Variants in KAT6B observed in about 807,000 individuals in gnomAD.
The protein encoded by KAT6B is histone acetyltransferase KAT6B.
KAT6B carries 10 observed loss-of-function variants against 187.5 expected under a neutral mutation model. That is an observed-to-expected ratio of 0.05 (90% CI 0.03 to 0.09). The LOEUF (loss-of-function observed/expected upper bound fraction) is 0.09. KAT6B is among the 10% of genes least tolerant of loss of function. The pLI is 1.00. For missense variants in KAT6B, 1,952 were observed against 2,558.9 expected (o/e 0.76, Z 5.12); for synonymous variants, 861 against 926.8 (o/e 0.93, Z 1.29).
At chr10:74,994,768 C>CT (rs1411814727) in intron 13 of KAT6B, among the ~76,000 whole-genome samples, 4 of 150,198 alleles carry the variant, frequency 2.7e-5, no homozygotes, top group Non-Finnish European at 5.9e-5. Context: ...CACCACTGCA[C>CT]TCCAGTCTGG....
intron 13 of KAT6B, among the ~76,000 whole-genome samples, chr10:74,997,490 A>C (rs1036218249): frequency 6.6e-6 from 1 of 152,184 alleles, no homozygotes; most frequent in African/African-American, 2.4e-5. Context: ...GCACAGTTAC[A>C]CAAATAAGTT....
At chr10:74,861,441 A>G (rs1843180926) in intron 3 of KAT6B, among the ~76,000 whole-genome samples, 1 of 152,250 alleles carries the variant, frequency 6.6e-6, no homozygotes, top group Admixed American at 6.5e-5. Context: ...ATGCTTTACT[A>G]TGAGGCAGGC....
intron 3 of KAT6B, among the ~76,000 whole-genome samples, chr10:74,876,886 C>CT (rs1427240046): frequency 6.6e-6 from 1 of 151,880 alleles, no homozygotes; most frequent in Non-Finnish European, 1.5e-5. Context: ...GCACTCCAGC[C>CT]TGAGTGACAG....
At chr10:74,979,395 A>G (rs1249565080) in intron 10 of KAT6B, 56 bp downstream of exon 10, 4 of 1,224,886 alleles carry the variant, frequency 3.3e-6, no homozygotes, top group Non-Finnish European at 4.8e-6. Context: ...GTGAGAAAGG[A>G]AAATTCTTGA....
At chr10:74,983,795 T>C (rs183097373) in intron 11 of KAT6B, 3 of 152,094 alleles carry the variant, frequency 2.0e-5, no homozygotes, top group African/African-American at 7.2e-5. Context: ...GAATAAGGAG[T>C]TGGATTTGAT....
chr10:74,981,343 CTTCCTTTCTTTCCTTTCT>C lies in KAT6B; in HGVS notation c.2232-422_2232-405del, dbSNP rs1554836821. Among the ~76,000 whole-genome samples, 215 of 141,630 alleles carry C rather than the reference CTTCCTTTCTTTCCTTTCT, an allele frequency of 1.5e-3. 1 individual carries two copies. Among genetic ancestry groups the C allele is most frequent in the Non-Finnish European group, 2.3e-3 (154 of 66,980 alleles). 92.9% of individuals were successfully genotyped at this position (141,630 alleles called of 152,430 possible). A position where few individuals can be genotyped will look rare whatever the true frequency, so the allele number is the denominator to read the frequency against. ...CCTTCCTTCCTTCCTTCCTTCCTTT[CTTCCTTTCTTTCCTTTCT>C]TTCCTTTCTTTCCTTTCTTTCTTTA... On this transcript the variant is annotated intron_variant, in intron 10 of 17. Coordinates refer to ENST00000287239, the MANE Select transcript of KAT6B (RefSeq NM_012330.4).
At chr10:74,976,405 A>C in intron 8 of KAT6B, 75 bp downstream of exon 8, 5 of 1,165,458 alleles carry the variant, frequency 4.3e-6, no homozygotes, top group Non-Finnish European at 6.3e-6. Flanking sequence ...AAATCAACCA[A>C]TCAATTCCTA....
chr10:74,902,646 A>T (rs1252505798), intron 3 of KAT6B, among the ~76,000 whole-genome samples: 2 of 152,228 alleles, frequency 1.3e-5, no homozygotes, highest in Non-Finnish European at 2.9e-5. Context: ...TTTTAGAATC[A>T]TAGTGGTAAC....
chr10:74,841,174 T>C (rs1389176157), intron 2 of KAT6B, among the ~76,000 whole-genome samples: 6 of 152,152 alleles, frequency 3.9e-5, no homozygotes, highest in Non-Finnish European at 8.8e-5. Context: ...CCACTGGACA[T>C]TGTGGTAGGG....
At chr10:74,942,177 A>T (rs1488304601) in intron 3 of KAT6B, among the ~76,000 whole-genome samples, 1 of 152,042 alleles carries the variant, frequency 6.6e-6, no homozygotes, top group Non-Finnish European at 1.5e-5. Flanking sequence ...CGAAACAAAG[A>T]CTTTGCAAGA....
chr10:74,894,391 T>C (rs1472621740), intron 3 of KAT6B, among the ~76,000 whole-genome samples: 1 of 152,196 alleles, frequency 6.6e-6, no homozygotes, highest in Non-Finnish European at 1.5e-5. Flanking sequence ...CATGTTGTTA[T>C]TTTTGGTTTG....
chr10:75,008,106 C>T (rs754453550), intron 13 of KAT6B, among the ~76,000 whole-genome samples: 1 of 152,100 alleles, frequency 6.6e-6, no homozygotes, highest in Admixed American at 6.5e-5. Context: ...AAGGGTTGTG[C>T]GTTAACAGAA....
chr10:74,996,400 C>G (rs575084224), intron 13 of KAT6B, among the ~76,000 whole-genome samples: 1 of 152,272 alleles, frequency 6.6e-6, no homozygotes, highest in African/African-American at 2.4e-5. Flanking sequence ...TGTTACATAC[C>G]TGGGTAACTA....
chr10:74,891,240 G>T (rs972220932), intron 3 of KAT6B, among the ~76,000 whole-genome samples: 2 of 152,212 alleles, frequency 1.3e-5, no homozygotes, highest in Admixed American at 1.3e-4. Flanking sequence ...ATGTTAGCTG[G>T]TGCTGCTACT....
At chr10:75,026,020 A>C (rs1056763342) in intron 17 of KAT6B, 4 of 151,786 alleles carry the variant, frequency 2.6e-5, no homozygotes, top group Admixed American at 6.6e-5. Flanking sequence ...ATTAGTCAGC[A>C]GTGGTGGTGT....
rs140973174 is a variant in KAT6B, at chr10:74,977,379, A to G, written c.2057A>G (p.Asp686Gly). Residue 686 changes from aspartate (D) to glycine (G), a missense_variant, in exon 9 of 18, where the codon GAT (aspartate) becomes GGT (glycine). Physicochemically the swap from Asp to Gly is moderately conservative, Grantham distance 94. This residue lies in a region of KAT6B where 417 missense variants were observed against 508.9 expected (regional missense o/e 0.82). Coordinates refer to ENST00000287239, the MANE Select transcript of KAT6B (RefSeq NM_012330.4). ...GATGTAAATGTGATTGGAAACAAGG[A>G]TGTCGTTACTGAAGAGGATTTGGAT... Reference protein sequence around the residue: ...SADVNVIGNKDVVTEEDLDVF... With the variant: ...SADVNVIGNKGVVTEEDLDVF... 1.9e-6 allele frequency: 3 copies of G among 1,613,952 alleles called. No individual in the cohort carries two copies. Among genetic ancestry groups the G allele is most frequent in the South Asian group, 2.2e-5 (2 of 91,084 alleles).
At chr10:74,849,230 C>T (rs1564519787) in intron 3 of KAT6B, among the ~76,000 whole-genome samples, 1 of 152,018 alleles carries the variant, frequency 6.6e-6, no homozygotes, top group Non-Finnish European at 1.5e-5. Flanking sequence ...GATCCGCCTG[C>T]CTTGGCCTCC....
intron 3 of KAT6B, among the ~76,000 whole-genome samples, chr10:74,942,499 C>T (rs1198393645): frequency 6.6e-6 from 1 of 151,806 alleles, no homozygotes; most frequent in Admixed American, 6.6e-5. Context: ...GGCATGGTGG[C>T]TCATACTTGT....
chr10:74,994,051 T>A (rs1033750062), intron 13 of KAT6B, among the ~76,000 whole-genome samples: 9 of 152,314 alleles, frequency 5.9e-5, no homozygotes, highest in African/African-American at 2.2e-4. Context: ...AATTTTCACC[T>A]CCTAGTTTTA....
Sources: allele counts gnomAD v4.1 joint callset (sites outside exome capture counted in the v4.1 genomes callset), GRCh38; gene constraint gnomAD v4.1.1; regional missense constraint gnomAD v4.1.1; transcripts MANE v1.5; gene names NCBI Gene and HGNC (gene_info 2026-07-23, HGNC 2026-07-21).